RUNDC1: variants seen among roughly 807,000 people sequenced by gnomAD.
RUNDC1 encodes RUN domain containing 1.
Under a neutral mutation model 49.3 loss-of-function variants are expected in RUNDC1, and 31 were observed. The ratio of observed to expected loss-of-function variants is 0.63; its 90% CI spans 0.47 to 0.85. The LOEUF is 0.85. RUNDC1 is among the 40% of genes least tolerant of loss of function. RUNDC1 has a pLI of 0.00. For missense variants in RUNDC1, 715 were observed against 806.7 expected (o/e 0.89, Z 1.38); for synonymous variants, 347 against 348.6 (o/e 1.00, Z 0.05).
intron 1 of RUNDC1, among the ~76,000 whole-genome samples, chr17:42,984,283 T>TC (rs2050140889): frequency 6.7e-6 from 1 of 149,372 alleles, no homozygotes; most frequent in Admixed American, 6.7e-5. Context: ...GCCCCCAGTT[T>TC]TTTTTTTTTT....
At chr17:42,982,753 C>A (rs1461867795) in intron 1 of RUNDC1, among the ~76,000 whole-genome samples, 2 of 150,584 alleles carry the variant, frequency 1.3e-5, no homozygotes, top group African/African-American at 4.9e-5. Flanking sequence ...GCGGGCGGAT[C>A]ACCTGAGGTT....
chr17:42,987,261 G>A lies in RUNDC1; in HGVS notation c.504G>A (p.Glu168=). The A allele has an allele frequency of 6.2e-7, 1 of 1,614,022 alleles. No individual in the cohort carries two copies. Among genetic ancestry groups the A allele is most frequent in the Non-Finnish European group, 8.5e-7 (1 of 1,179,950 alleles). The change falls in exon 2 of 5, where the codon GAG becomes GAA. Residue 168 remains glutamate, a synonymous_variant. Transcript: ENST00000361677. ...CAATTATTTTCTTGCCTTAGAGTGAGCAGGAAAAGCAAGAGCGTCTGGAAA... is the reference window on the plus strand; with the variant it reads ...CAATTATTTTCTTGCCTTAGAGTGAACAGGAAAAGCAAGAGCGTCTGGAAA... ...RPWLRGEDQS[E]QEKQERLETQ... is the part of the protein sequence containing the mutation.
chr17:42,986,396 C>T (rs1003787683), intron 1 of RUNDC1, among the ~76,000 whole-genome samples: 1 of 152,148 alleles, frequency 6.6e-6, no homozygotes, highest in African/African-American at 2.4e-5. Context: ...CAGTTACAGG[C>T]GTGAGACACC....
chr17:42,994,517 TG>T lies in RUNDC1; in HGVS notation c.*2802del, dbSNP rs1284436059. ...ATCTTTTCACTTCATTGTATCATGTTGTTTCTAGATTTTGGTTTCTCTTTCT... is the reference window on the plus strand; with the variant it reads ...ATCTTTTCACTTCATTGTATCATGTTTTTCTAGATTTTGGTTTCTCTTTCT... On this transcript the variant is annotated 3_prime_UTR_variant, in exon 5 of 5. Transcript: ENST00000361677. Among the ~76,000 whole-genome samples the T allele has an allele frequency of 6.6e-6, 1 of 152,204 alleles. No individual in the cohort carries two copies. The highest frequency in any genetic ancestry group is 1.5e-5 in the Non-Finnish European group (1 of 68,042).
At position 42,991,473 on chromosome 17, in the gene RUNDC1, T is replaced by C; in HGVS notation, c.1599T>C (p.Ser533=). Residue 533 remains serine (S), a synonymous_variant, in exon 5 of 5, where the codon AGT becomes AGC. Coordinates refer to ENST00000361677, the MANE Select transcript of RUNDC1 (RefSeq NM_173079.5). Reference sequence around the variant, plus strand: ...CAGAGCATGACCCTTTTAAGCGCAGTGCAGACTCAGAATTGAAGGCCTTGG... The same window carrying C: ...CAGAGCATGACCCTTTTAAGCGCAGCGCAGACTCAGAATTGAAGGCCTTGG... ...VLTEHDPFKR[S]ADSELKALVC... is the part of the protein sequence containing the mutation. The C allele has an allele frequency of 6.2e-7, 1 of 1,614,170 alleles. No individual in the cohort carries two copies. Among genetic ancestry groups the C allele is most frequent in the Non-Finnish European group, 8.5e-7 (1 of 1,180,028 alleles).
Position 42,980,594 on chromosome 17 carries a change from G to C in RUNDC1, c.18G>C (p.Ala6=). The change falls in exon 1 of 5, where the codon GCG becomes GCC. Residue 6 remains alanine, a synonymous_variant. Transcript: ENST00000361677. ...CCGGGAAGATGGCGGCTGTCGAAGC[G>C]GCTGCAGAGCCGGTAACGGTGGTGG... MAAVE[A]AAEPVTVVAA... is the part of the protein sequence containing the mutation. The C allele has an allele frequency of 6.2e-7, 1 of 1,609,764 alleles. No homozygotes were observed. Among genetic ancestry groups the C allele is most frequent in the East Asian group, 2.2e-5 (1 of 44,798 alleles).
At chr17:42,988,518 G>T (rs1029983837) in intron 2 of RUNDC1, among the ~76,000 whole-genome samples, 3 of 152,058 alleles carry the variant, frequency 2.0e-5, no homozygotes, top group African/African-American at 7.2e-5. Flanking sequence ...CTCCCGAAGT[G>T]CTGGGGTTAC....
intron 1 of RUNDC1, among the ~76,000 whole-genome samples, chr17:42,984,125 A>G (rs560831129): frequency 6.6e-4 from 101 of 151,970 alleles, no homozygotes; most frequent in African/African-American, 2.3e-3. Context: ...GCACACTACC[A>G]TGACTAGCTA....
rs540156841 is a variant in RUNDC1, at chr17:42,990,417, G to A, written c.957G>A (p.Thr319=). The change falls in exon 4 of 5, where the codon ACG becomes ACA. Residue 319 remains threonine, a synonymous_variant. Transcript: ENST00000361677. Reference sequence around the variant, plus strand: ...GCAGCAGAACAGGCAGCAGCAGAACGCCTCCAGGAAACAGCAAAAGTAAGT... The same window carrying A: ...GCAGCAGAACAGGCAGCAGCAGAACACCTCCAGGAAACAGCAAAAGTAAGT... ...NGCSRTGSSR[T]PPGNSKTKAE... 178 of 1,613,880 alleles carry A rather than the reference G, an allele frequency of 1.1e-4. 2 individuals are homozygous for A. The East Asian group carries it at 2.8e-3, about 25-fold the overall frequency.
At position 42,980,925 on chromosome 17, in the gene RUNDC1, G is replaced by T; in HGVS notation, c.349G>T (p.Ala117Ser). Residue 117 changes from alanine to serine, a missense_variant, in exon 1 of 5, where the codon GCG becomes TCG. Physicochemically the swap from Ala to Ser is moderately conservative, Grantham distance 99 (BLOSUM62 1). Around this residue, in one of 5 missense-constraint regions of RUNDC1, gnomAD observed 113 missense variants for 93.4 expected, o/e 1.21. Transcript: ENST00000361677. ...RLRQVVRGAPAEQQRLLRELE... is the reference protein window; with the variant it reads ...RLRQVVRGAPSEQQRLLRELE... ...GCGCCAGGTGGTGCGCGGGGCGCCG[G>T]CGGAGCAGCAGCGCCTTCTGCGGGA... The T allele has an allele frequency of 6.5e-7, 1 of 1,532,846 alleles. No individual in the cohort carries two copies. Among genetic ancestry groups the T allele is most frequent in the African/African-American group, 1.4e-5 (1 of 72,514 alleles). 95.0% of individuals were successfully genotyped at this position (1,532,846 alleles called of 1,614,324 possible). A position where few individuals can be genotyped will look rare whatever the true frequency, so the allele number is the denominator to read the frequency against.
At chr17:42,985,454 G>A (rs931578942) in intron 1 of RUNDC1, among the ~76,000 whole-genome samples, 3 of 152,174 alleles carry the variant, frequency 2.0e-5, no homozygotes, top group Admixed American at 2.0e-4. Flanking sequence ...AAATGGGGAA[G>A]TGGGATAGGG....
Position 42,980,594 on chromosome 17 carries a change from G to A in RUNDC1, c.18G>A (p.Ala6=). MAAVE[A]AAEPVTVVAA... ...CCGGGAAGATGGCGGCTGTCGAAGC[G>A]GCTGCAGAGCCGGTAACGGTGGTGG... The change falls in exon 1 of 5, where the codon GCG becomes GCA. Residue 6 remains alanine, a synonymous_variant. Transcript: ENST00000361677. 5.0e-6 allele frequency: 8 copies of A among 1,609,764 alleles called. No individual in the cohort carries two copies. The highest frequency in any genetic ancestry group is 1.3e-5 in the African/African-American group (1 of 74,932).
intron 1 of RUNDC1, 71 bp from the exon 2 acceptor site, chr17:42,987,185 C>G (rs530531523): frequency 1.7e-6 from 2 of 1,175,856 alleles, no homozygotes; most frequent in Non-Finnish European, 2.5e-6. Flanking sequence ...ATTACTGGCT[C>G]GAGCAGATTC....
At chr17:42,984,226 T>C (rs1246076313) in intron 1 of RUNDC1, among the ~76,000 whole-genome samples, 1 of 151,978 alleles carries the variant, frequency 6.6e-6, no homozygotes, top group Admixed American at 6.6e-5. Flanking sequence ...CCCTCCCACC[T>C]TAGCCTCCCT....
rs752597490 is a variant in RUNDC1 at position 42,995,092 on chromosome 17, T to C, written c.*3376T>C. 1.0e-4 allele frequency among the ~76,000 whole-genome samples: 13 copies of C among 124,044 alleles called. No individual in the cohort carries two copies. The highest frequency in any genetic ancestry group is 1.7e-4 in the Non-Finnish European group (10 of 58,124). The allele number at this position is 124,044 out of a possible 152,430, so 81.4% of individuals were successfully genotyped here. ...ACACAGTCTAGCAAAGGAGATACCATACCAATTGGAGATTTGGAGAGACTG... is the reference window on the plus strand; with the variant it reads ...ACACAGTCTAGCAAAGGAGATACCACACCAATTGGAGATTTGGAGAGACTG... On this transcript the variant is annotated 3_prime_UTR_variant, in exon 5 of 5. Transcript: ENST00000361677.
Position 42,981,073 on chromosome 17 carries a change from A to G in RUNDC1, c.497A>G (p.Gln166Arg). Reference sequence around the variant, plus strand: ...CGGCCATGGTTGCGGGGCGAGGACCAGGTGAGTGGCTGGAGCCGGGCCGCG... The same window carrying G: ...CGGCCATGGTTGCGGGGCGAGGACCGGGTGAGTGGCTGGAGCCGGGCCGCG... Reference protein sequence around the residue: ...GDRPWLRGEDQSEQEKQERLE... With the variant: ...GDRPWLRGEDRSEQEKQERLE... Residue 166 changes from glutamine to arginine, a missense_variant and splice_region_variant, in exon 1 of 5, where the codon CAG (glutamine) becomes CGG (arginine). By Grantham distance (43) the Gln-to-Arg change is conservative. Transcript: ENST00000361677. 1 of 1,563,878 alleles carries G rather than the reference A, an allele frequency of 6.4e-7. No individual in the cohort carries two copies. Among genetic ancestry groups the G allele is most frequent in the East Asian group, 2.4e-5 (1 of 41,314 alleles).
At position 42,994,494 on chromosome 17, in the gene RUNDC1, CT is replaced by C. The variant is rs1338864940; in HGVS notation, c.*2782del. On this transcript the variant is annotated 3_prime_UTR_variant, in exon 5 of 5. Coordinates refer to ENST00000361677, the MANE Select transcript of RUNDC1 (RefSeq NM_173079.5). ...TCTGAATCCAGAGCCCACAGTCTATCTTTTCACTTCATTGTATCATGTTGTT... is the reference window on the plus strand; with the variant it reads ...TCTGAATCCAGAGCCCACAGTCTATCTTTCACTTCATTGTATCATGTTGTT... Among the ~76,000 whole-genome samples, 6 of 152,162 alleles carry C rather than the reference CT, an allele frequency of 3.9e-5. No individual in the cohort carries two copies. Among genetic ancestry groups the C allele is most frequent in the Admixed American group, 1.3e-4 (2 of 15,276 alleles).
rs578105215 is a variant in RUNDC1, at chr17:42,992,568, CAAAAAAAAAAAA to C, written c.*864_*875del. 3 of 55,078 alleles carry C rather than the reference CAAAAAAAAAAAA, an allele frequency of 5.4e-5. No individual in the cohort carries two copies. Among genetic ancestry groups the C allele is most frequent in the Non-Finnish European group, 1.1e-4 (3 of 28,214 alleles). 3.4% of individuals were successfully genotyped at this position (55,078 alleles called of 1,614,324 possible). On this transcript the variant is annotated 3_prime_UTR_variant, in exon 5 of 5. Transcript: ENST00000361677. Reference sequence around the variant, plus strand: ...TGGGCAACACAGGGAGACTCCATCTCAAAAAAAAAAAAAAAAAAAAAAAGACATTCAACTTGA... The same window carrying C: ...TGGGCAACACAGGGAGACTCCATCTCAAAAAAAAAAAGACATTCAACTTGA...
Position 42,991,585 on chromosome 17 carries a change from C to T in RUNDC1, c.1711C>T (p.Pro571Ser). The T allele has an allele frequency of 6.2e-7, 1 of 1,614,176 alleles. No individual in the cohort carries two copies. The highest frequency in any genetic ancestry group is 8.5e-7 in the Non-Finnish European group (1 of 1,180,030). ...SGSLIEPHYQ[P>S]WSYMAHTGFE... ...GTCACTCATCGAGCCTCACTACCAG[C>T]CCTGGAGCTACATGGCACACACAGG... is the stretch of plus-strand genomic sequence containing the variant. The change falls in exon 5 of 5, where the codon CCC (proline) becomes TCC (serine). Residue 571 changes from proline (P) to serine (S), a missense_variant. Transcript: ENST00000361677.
Sources: gnomAD v4.1 joint callset for allele counts (sites outside exome capture counted in the v4.1 genomes callset) on GRCh38, gnomAD v4.1.1 for gene constraint, gnomAD v4.1.1 regional missense constraint, MANE v1.5 for transcripts, NCBI Gene and HGNC (gene_info 2026-07-23, HGNC 2026-07-21) for gene names.